ANKFN1: variants seen among roughly 807,000 people sequenced by gnomAD.
ANKFN1 encodes the protein ankyrin repeat and fibronectin type-III domain-containing protein 1.
A neutral mutation model predicts 108.7 loss-of-function variants in ANKFN1; 74 were observed. The ratio of observed to expected loss-of-function variants is 0.68; its 90% CI spans 0.56 to 0.83. ANKFN1 has a LOEUF of 0.83. Ranked by LOEUF, ANKFN1 falls within the 40% of genes least tolerant of loss-of-function variation. The probability of loss-of-function intolerance (pLI) is 0.00; values close to 1 mark genes in which losing one functional copy is unlikely to be tolerated. For missense variants in ANKFN1, 1,505 were observed against 1,382.3 expected (o/e 1.09, Z -1.41); for synonymous variants, 547 against 516.2 (o/e 1.06, Z -0.81).
chr17:56,496,250 ATACT>A, intron 19 of ANKFN1, among the ~76,000 whole-genome samples: 1 of 152,262 alleles, frequency 6.6e-6, no homozygotes, highest in East Asian at 1.9e-4. Context: ...TTGTTTCTAC[ATACT>A]TTTAAAAAAA....
rs1000514885 is a variant in ANKFN1 at position 56,515,403 on chromosome 17, C to CT, written c.*4140dup. The stretch of plus-strand genomic sequence containing the variant: ...GATGATTTAATGAAGCAAACCTGGA[C>CT]TTTTTTCTTCAAGGTCGTATCTTCA... On this transcript the variant is annotated 3_prime_UTR_variant, in exon 21 of 21. Transcript: ENST00000682825. Among the ~76,000 whole-genome samples, 37 of 152,244 alleles carry CT rather than the reference C, an allele frequency of 2.4e-4. 3 individuals carry two copies. Among genetic ancestry groups the CT allele is most frequent in the African/African-American group, 8.2e-4 (34 of 41,544 alleles).
intron 3 of ANKFN1, among the ~76,000 whole-genome samples, chr17:56,267,080 G>A (rs540815055): frequency 6.6e-6 from 1 of 151,988 alleles, no homozygotes; most frequent in African/African-American, 2.4e-5. Context: ...TCCCACCCTC[G>A]CCCTCAAGTA....
At chr17:56,180,804 T>C (rs931499868) in intron 1 of ANKFN1, among the ~76,000 whole-genome samples, 3 of 152,242 alleles carry the variant, frequency 2.0e-5, no homozygotes, top group Admixed American at 1.3e-4. Flanking sequence ...TGATTATCTA[T>C]ATTTATAGTG....
intron 8 of ANKFN1, among the ~76,000 whole-genome samples, chr17:56,380,788 C>T (rs996270767): frequency 6.6e-5 from 10 of 152,362 alleles, no homozygotes; most frequent in South Asian, 2.1e-4. Flanking sequence ...CCGGGAAGTT[C>T]GAACTGGGTG....
intron 4 of ANKFN1, among the ~76,000 whole-genome samples, chr17:56,119,335 C>T (rs1172301777): frequency 1.3e-5 from 2 of 152,164 alleles, no homozygotes; most frequent in East Asian, 3.9e-4. Flanking sequence ...AGTGTATTTC[C>T]TGGAAAAGAG....
At chr17:56,162,413 C>T (rs560469727) in intron 1 of ANKFN1, among the ~76,000 whole-genome samples, 15 of 152,248 alleles carry the variant, frequency 9.9e-5, no homozygotes, top group African/African-American at 3.6e-4. Context: ...CTGTTTTAAG[C>T]TCTTCTTCTG....
In ANKFN1 at chr17:56,413,502, A is replaced by T. The variant is rs928832087; in HGVS notation, c.911-26825A>T. On this transcript the variant is annotated intron_variant, in intron 8 of 20. Coordinates refer to ENST00000682825, the MANE Select transcript of ANKFN1 (RefSeq NM_001370326.1). ...ACAGAGGGCATCCTTGTCTTATGCCAGTTTTCAAGGGGAATGCTTCCAGCC... is the reference window on the plus strand; with the variant it reads ...ACAGAGGGCATCCTTGTCTTATGCCTGTTTTCAAGGGGAATGCTTCCAGCC... 2.6e-5 allele frequency among the ~76,000 whole-genome samples: 4 copies of T among 152,176 alleles called. No individual in the cohort carries two copies. The East Asian group carries it at 7.7e-4, about 29-fold the overall frequency.
rs1555588767 is a variant in ANKFN1, at chr17:56,055,566, C to CACATAT, written c.288+9242_288+9243insCATATA. ...TATATGTGTGTGTGTGGTATATATA[C>CACATAT]ATATATATATATATATATATATGTA... On this transcript the variant is annotated intron_variant, in intron 4 of 12. Transcript: ENST00000635860. 2.5e-3 allele frequency among the ~76,000 whole-genome samples: 119 copies of CACATAT among 47,380 alleles called. 2 individuals carry two copies. The highest frequency in any genetic ancestry group is 0.014 in the African/African-American group (108 of 7,508). 31.1% of individuals were successfully genotyped at this position (47,380 alleles called of 152,430 possible).
chr17:56,372,979 C>T (rs2046851371), intron 7 of ANKFN1, 139 bp downstream of exon 7: 4 of 841,824 alleles, frequency 4.8e-6, no homozygotes, highest in Non-Finnish European at 1.8e-6. Flanking sequence ...AGCAAGGGCT[C>T]TGAGAGGCTG....
At chr17:56,103,643 A>G (rs1466031685) in intron 4 of ANKFN1, among the ~76,000 whole-genome samples, 2 of 152,232 alleles carry the variant, frequency 1.3e-5, no homozygotes, top group African/African-American at 2.4e-5. Context: ...ATTCAGTTTC[A>G]TTCAACCAGC....
chr17:56,335,262 A>T (rs1172194614), intron 4 of ANKFN1, among the ~76,000 whole-genome samples: 2 of 152,094 alleles, frequency 1.3e-5, no homozygotes, highest in African/African-American at 4.8e-5. Context: ...GAAGAAAGTC[A>T]TTGGTAGCTT....
At position 56,482,417 on chromosome 17, in the gene ANKFN1, T is replaced by C. The variant is rs760412647; in HGVS notation, c.2153T>C (p.Leu718Pro). Reference sequence around the variant, plus strand: ...GAAATGGGTCACAATGTGTCCTTTCTTCTCCTGCTCCCTGCCTCAGACGAC... The same window carrying C: ...GAAATGGGTCACAATGTGTCCTTTCCTCTCCTGCTCCCTGCCTCAGACGAC... Reference protein sequence around the residue: ...VLEMGHNVSFLLLLPASDDVC... With the variant: ...VLEMGHNVSFPLLLPASDDVC... Residue 718 changes from leucine to proline, a missense_variant, in exon 18 of 21, where the codon CTT (leucine) becomes CCT (proline). Transcript: ENST00000682825. The C allele has an allele frequency of 6.2e-7, 1 of 1,613,592 alleles. No homozygotes were observed. Among genetic ancestry groups the C allele is most frequent in the South Asian group, 1.1e-5 (1 of 90,932 alleles).
At chr17:56,198,202 C>T (rs1389654474) in intron 1 of ANKFN1, among the ~76,000 whole-genome samples, 1 of 152,154 alleles carries the variant, frequency 6.6e-6, no homozygotes, top group African/African-American at 2.4e-5. Context: ...TTTGATTGTG[C>T]TAGGCACAGA....
At chr17:56,311,169 G>A (rs2045014122) in intron 3 of ANKFN1, among the ~76,000 whole-genome samples, 1 of 149,762 alleles carries the variant, frequency 6.7e-6, no homozygotes, top group African/African-American at 2.4e-5. Flanking sequence ...TCGTGTGTTT[G>A]TGTGTGTGTG....
intron 1 of ANKFN1, among the ~76,000 whole-genome samples, chr17:56,159,736 ATT>A (rs1909467388): frequency 6.6e-6 from 1 of 152,214 alleles, no homozygotes; most frequent in Non-Finnish European, 1.5e-5. Context: ...TTGCAGTCTG[ATT>A]AAATGCTTTT....
chr17:56,277,205 C>T (rs2144219902), intron 3 of ANKFN1, among the ~76,000 whole-genome samples: 1 of 152,212 alleles, frequency 6.6e-6, no homozygotes, highest in Non-Finnish European at 1.5e-5. Flanking sequence ...GAATAAAATA[C>T]CTATTTGAAT....
chr17:56,482,554 T>A (rs1367480849), intron 18 of ANKFN1, 30 bp downstream of exon 18: 1 of 1,602,182 alleles, frequency 6.2e-7, no homozygotes, highest in South Asian at 1.1e-5. Flanking sequence ...CTAGAAATAT[T>A]AACCCAGCCT....
intron 6 of ANKFN1, among the ~76,000 whole-genome samples, chr17:56,360,435 C>T (rs1041531903): frequency 6.6e-6 from 1 of 152,208 alleles, no homozygotes; most frequent in Admixed American, 6.5e-5. Flanking sequence ...GACATTTTCT[C>T]ATCACATCAC....
At chr17:56,350,494 T>C in intron 4 of ANKFN1, among the ~76,000 whole-genome samples, 1 of 152,154 alleles carries the variant, frequency 6.6e-6, no homozygotes, top group East Asian at 1.9e-4. Context: ...TATATGTCTG[T>C]ATGTGAATGA....
Sources: gnomAD v4.1 joint callset for allele counts (sites outside exome capture counted in the v4.1 genomes callset) on GRCh38, gnomAD v4.1.1 for gene constraint, MANE v1.5 for transcripts, NCBI Gene and HGNC (gene_info 2026-07-23, HGNC 2026-07-21) for gene names.